Variants in BRI3BP observed in about 807,000 individuals in gnomAD.
BRI3BP encodes BRI3 binding protein.
BRI3BP carries 7 observed loss-of-function variants against 15.8 expected under a neutral mutation model. The ratio of observed to expected loss-of-function variants is 0.44; its 90% CI spans 0.25 to 0.83. The LOEUF is 0.83. Ranked by LOEUF, BRI3BP falls within the 40% of genes least tolerant of loss-of-function variation. The pLI is 0.20. For synonymous variants in BRI3BP, 192 were observed against 163.5 expected (o/e 1.17, Z -1.33); for missense variants, 320 against 339.3 (o/e 0.94, Z 0.45).
In BRI3BP at chr12:125,025,004, C is replaced by A; in HGVS notation, c.330C>A (p.Ser110=). The change falls in exon 3 of 3, where the codon TCC becomes TCA. Residue 110 remains serine, a synonymous_variant. Coordinates refer to ENST00000341446, the MANE Select transcript of BRI3BP (RefSeq NM_080626.6). ...DVLGLDVSNL[S]QYFSPASVSS... is the part of the protein sequence containing the mutation. ...TCTGTCCCGCAGTCTCCAACCTGTC[C>A]CAGTATTTCAGCCCAGCCTCGGTGT... 1 of 1,612,598 alleles carries A rather than the reference C, an allele frequency of 6.2e-7. No homozygotes were observed. Among genetic ancestry groups the A allele is most frequent in the Middle Eastern group, 1.6e-4 (1 of 6,062 alleles).
At chr12:125,019,077 C>T (rs1451300975) in intron 2 of BRI3BP, among the ~76,000 whole-genome samples, 6 of 152,086 alleles carry the variant, frequency 3.9e-5, no homozygotes, top group Non-Finnish European at 8.8e-5. Context: ...AGGCTGGTCT[C>T]GAACTCCTGA....
At chr12:125,010,892 A>G (rs1293330673) in intron 1 of BRI3BP, among the ~76,000 whole-genome samples, 18 of 151,672 alleles carry the variant, frequency 1.2e-4, no homozygotes, top group Admixed American at 1.2e-3. Flanking sequence ...TCAGGAGTTC[A>G]AGACCAGCCT....
At chr12:125,018,471 C>T (rs563544161) in intron 2 of BRI3BP, among the ~76,000 whole-genome samples, 1 of 152,078 alleles carries the variant, frequency 6.6e-6, no homozygotes, top group Non-Finnish European at 1.5e-5. Context: ...CACAGACACA[C>T]GTAGGGAGAA....
At chr12:125,036,412 GAC>G in the BRI3BP span, among the ~76,000 whole-genome samples, 3 of 151,432 alleles carry the variant, frequency 2.0e-5, no homozygotes, top group Middle Eastern at 3.4e-3. Context: ...TTTTAGTAGA[GAC>G]AGGGTTTCAC....
At chr12:125,037,256 C>T in the BRI3BP span, among the ~76,000 whole-genome samples, 3 of 152,068 alleles carry the variant, frequency 2.0e-5, no homozygotes, top group African/African-American at 7.2e-5. Context: ...CAGGGTTTCA[C>T]CATGTTGGTT....
intron 2 of BRI3BP, among the ~76,000 whole-genome samples, chr12:125,024,058 CAAAA>C (rs1294955310): frequency 6.6e-6 from 1 of 151,952 alleles, no homozygotes; most frequent in Non-Finnish European, 1.5e-5. Flanking sequence ...AAAACACAAA[CAAAA>C]AAACCAAAAA....
intron 2 of BRI3BP, among the ~76,000 whole-genome samples, chr12:125,024,464 A>G (rs7133268): frequency 0.47 from 71,976 of 152,032 alleles, 18,702 homozygotes; most frequent in African/African-American, 0.68. Flanking sequence ...AGAAACCAGT[A>G]TATGGAGAGG....
intron 1 of BRI3BP, among the ~76,000 whole-genome samples, chr12:124,994,347 GC>G (rs1347799835): frequency 3.3e-5 from 5 of 152,146 alleles, no homozygotes; most frequent in Non-Finnish European, 5.9e-5. Flanking sequence ...CCTACTGTGA[GC>G]CAGGCAGCAC....
Position 124,993,680 on chromosome 12 carries a change from A to C in BRI3BP, c.-111A>C, listed in dbSNP as rs545663117. The C allele has an allele frequency of 1.2e-4, 69 of 569,112 alleles. No individual in the cohort carries two copies. Among genetic ancestry groups the C allele is most frequent in the Non-Finnish European group, 1.1e-5 (5 of 452,226 alleles). The allele number at this position is 569,112 out of a possible 1,614,324, so 35.3% of individuals were successfully genotyped here. ...CAGCGGCGGCGGCGGCTGTGGGTAA[A>C]GGCGCGGCGCGCGGCCCCCGAGCGC... On this transcript the variant is annotated 5_prime_UTR_variant, in exon 1 of 3. Transcript: ENST00000341446.
chr12:125,000,578 C>T (rs1955082370), intron 1 of BRI3BP, among the ~76,000 whole-genome samples: 1 of 152,118 alleles, frequency 6.6e-6, no homozygotes, highest in Non-Finnish European at 1.5e-5. Flanking sequence ...TCCCAAAGTG[C>T]TGGGATTACA....
intron 1 of BRI3BP, among the ~76,000 whole-genome samples, chr12:125,004,651 T>C (rs559046278): frequency 3.5e-4 from 53 of 152,320 alleles, no homozygotes; most frequent in African/African-American, 1.3e-3. Context: ...GAACCAATAT[T>C]GGTACATCAA....
chr12:125,028,491 T>C lies in BRI3BP; in HGVS notation c.*3061T>C, dbSNP rs1241802234. On this transcript the variant is annotated 3_prime_UTR_variant, in exon 3 of 3. Transcript: ENST00000341446. ...CAATTCAAAATTGCTGTCGAAAATA[T>C]GCACTATTTTTTTTTTCCACTCTGG... is the stretch of plus-strand genomic sequence containing the variant. 1.3e-5 allele frequency: 2 copies of C among 152,226 alleles called. No individual in the cohort carries two copies. Among genetic ancestry groups the C allele is most frequent in the East Asian group, 1.9e-4 (1 of 5,198 alleles). 9.4% of individuals were successfully genotyped at this position (152,226 alleles called of 1,614,324 possible). A position where few individuals can be genotyped will look rare whatever the true frequency, so the allele number is the denominator to read the frequency against.
At chr12:125,048,560 G>A in the BRI3BP span, among the ~76,000 whole-genome samples, 1,917 of 151,484 alleles carry the variant, frequency 0.013, 28 homozygotes, top group Non-Finnish European at 0.021. Context: ...TGGGGTGGGG[G>A]CAGGGGGGAG....
At chr12:125,001,668 G>T (rs1386570181) in intron 1 of BRI3BP, among the ~76,000 whole-genome samples, 6 of 151,910 alleles carry the variant, frequency 3.9e-5, no homozygotes, top group Non-Finnish European at 7.4e-5. Flanking sequence ...GAGCCACTTC[G>T]CCTGGCCCAG....
At chr12:125,042,381 G>A in the BRI3BP span, among the ~76,000 whole-genome samples, 118,544 of 152,060 alleles carry the variant, frequency 0.78, 46,306 homozygotes, top group South Asian at 0.85. Flanking sequence ...TGGTGTTTCT[G>A]TGACTGTTAT....
Position 125,025,316 on chromosome 12 carries a change from C to A in BRI3BP, c.642C>A (p.Asn214Lys). Residue 214 changes from asparagine (N) to lysine (K), a missense_variant, in exon 3 of 3, where the codon AAC (asparagine) becomes AAA (lysine). Physicochemically the swap from Asn to Lys is moderately conservative, Grantham distance 94. Transcript: ENST00000341446. The stretch of plus-strand genomic sequence containing the variant: ...GAAGCAGTCCCAGCGGCCCCAGCAA[C>A]CCCAGCAACCCCAGCGTGGAGGAGA... ...YWRSSPSGPS[N>K]PSNPSVEEKL... is the part of the protein sequence containing the mutation. The A allele has an allele frequency of 2.5e-6, 4 of 1,613,082 alleles. No homozygotes were observed. The highest frequency in any genetic ancestry group is 3.4e-6 in the Non-Finnish European group (4 of 1,179,806).
At chr12:125,011,424 A>G (rs566760597) in intron 1 of BRI3BP, among the ~76,000 whole-genome samples, 72 of 152,306 alleles carry the variant, frequency 4.7e-4, no homozygotes, top group Non-Finnish European at 8.2e-4. Flanking sequence ...GTAGGTATCC[A>G]TGAGTATGGG....
chr12:125,025,221 A>C lies in BRI3BP; in HGVS notation c.547A>C (p.Asn183His), dbSNP rs1234485604. ...ILHKYEGEPE[N>H]AVLPLCFVVA... ...GCACAAGTACGAGGGCGAGCCGGAG[A>C]ACGCGGTGCTGCCGCTGTGCTTCGT... Residue 183 changes from asparagine to histidine, a missense_variant, in exon 3 of 3, where the codon AAC becomes CAC. Physicochemically the swap from Asn to His is moderately conservative, Grantham distance 68. Coordinates refer to ENST00000341446, the MANE Select transcript of BRI3BP (RefSeq NM_080626.6). The C allele has an allele frequency of 1.2e-6, 2 of 1,614,124 alleles. No individual in the cohort carries two copies. Among genetic ancestry groups the C allele is most frequent in the Non-Finnish European group, 1.7e-6 (2 of 1,180,038 alleles).
intron 1 of BRI3BP, among the ~76,000 whole-genome samples, chr12:125,007,395 A>G (rs1348600352): frequency 6.6e-6 from 1 of 152,156 alleles, no homozygotes; most frequent in Admixed American, 6.6e-5. Context: ...ACTATTTTAC[A>G]AAAACTAGCC....
Sources: gnomAD v4.1 joint callset for allele counts (sites outside exome capture counted in the v4.1 genomes callset) on GRCh38, gnomAD v4.1.1 for gene constraint, MANE v1.5 for transcripts, NCBI Gene and HGNC (gene_info 2026-07-23, HGNC 2026-07-21) for gene names.